KLHL32: variants seen among roughly 807,000 people sequenced by gnomAD.
The protein encoded by KLHL32 is kelch-like protein 32.
A neutral mutation model predicts 64.8 loss-of-function variants in KLHL32; 35 were observed. That is an observed-to-expected ratio of 0.54 (90% confidence interval 0.41 to 0.72). KLHL32 has a LOEUF of 0.72. KLHL32 is among the 30% of genes least tolerant of loss of function. KLHL32 has a pLI of 0.00. For missense variants in KLHL32, 589 were observed against 768.5 expected, an observed-to-expected ratio of 0.77 and a Z score of 2.76; for synonymous variants, 259 against 281.0, an observed-to-expected ratio of 0.92 and a Z score of 0.78.
At chr6:97,040,072 G>A (rs1322118811) in intron 3 of KLHL32, among the ~76,000 whole-genome samples, 1 of 151,440 alleles carries the variant, frequency 6.6e-6, no homozygotes, top group African/African-American at 2.4e-5. Context: ...TTGATACATT[G>A]GCAAAAGTAA....
intron 3 of KLHL32, among the ~76,000 whole-genome samples, chr6:97,014,810 C>T (rs1780917038): frequency 6.6e-6 from 1 of 152,206 alleles, no homozygotes; most frequent in South Asian, 2.1e-4. Context: ...ACCCCATTCT[C>T]ACCTGCCTCC....
chr6:97,075,490 T>A (rs577314947), intron 5 of KLHL32, among the ~76,000 whole-genome samples: 1 of 152,324 alleles, frequency 6.6e-6, no homozygotes, highest in South Asian at 2.1e-4. Flanking sequence ...CTTTATCCTA[T>A]CAACTCTATG....
chr6:97,082,265 T>C (rs1792659685), intron 5 of KLHL32, among the ~76,000 whole-genome samples: 1 of 152,116 alleles, frequency 6.6e-6, no homozygotes, highest in Admixed American at 6.5e-5. Context: ...GGTGTCTAGA[T>C]GTGACTGTTA....
chr6:97,133,170 C>T (rs1799625279), intron 10 of KLHL32, among the ~76,000 whole-genome samples: 1 of 152,174 alleles, frequency 6.6e-6, no homozygotes, highest in South Asian at 2.1e-4. Flanking sequence ...GGGTGTTCTT[C>T]CTTCACGGCA....
At chr6:96,955,907 A>C (rs6910273) in intron 1 of KLHL32, among the ~76,000 whole-genome samples, 33,827 of 152,148 alleles carry the variant, frequency 0.22, 3,956 homozygotes, top group Admixed American at 0.27. Context: ...ACTGCACTCC[A>C]ATCTGAGCAA....
chr6:96,911,951 ATCTCTTCCTG>A, the KLHL32 span, among the ~76,000 whole-genome samples: 1 of 148,930 alleles, frequency 6.7e-6, no homozygotes, highest in African/African-American at 2.5e-5. Context: ...TCTCTGAGTA[ATCTCTTCCTG>A]TTGCTGGCTT....
At position 97,076,994 on chromosome 6, in the gene KLHL32, G is replaced by T. The variant is rs187409495; in HGVS notation, c.412-8132G>T. Reference sequence around the variant, plus strand: ...TGGCATTTTTTCTTGCCTACCCACTGTATATCAATCAAAACTTGCTAGGTA... The same window carrying T: ...TGGCATTTTTTCTTGCCTACCCACTTTATATCAATCAAAACTTGCTAGGTA... On this transcript the variant is annotated intron_variant, in intron 5 of 10. Coordinates refer to ENST00000369261, the MANE Select transcript of KLHL32 (RefSeq NM_052904.4). Among the ~76,000 whole-genome samples the T allele has an allele frequency of 3.1e-4, 47 of 152,174 alleles. 1 individual carries two copies. In the East Asian group the frequency reaches 8.5e-3, roughly 27 times the overall value.
At chr6:96,916,541 T>C in the KLHL32 span, among the ~76,000 whole-genome samples, 1 of 152,234 alleles carries the variant, frequency 6.6e-6, no homozygotes, top group Non-Finnish European at 1.5e-5. Flanking sequence ...GCCTTGTCAC[T>C]TTCCCGTAAT....
At chr6:97,108,589 T>A (rs768471106) in intron 6 of KLHL32, among the ~76,000 whole-genome samples, 48 of 152,266 alleles carry the variant, frequency 3.2e-4, no homozygotes, top group Non-Finnish European at 5.9e-4. Flanking sequence ...TGCCATTTTT[T>A]AATTATTTAT....
chr6:97,106,588 C>CA (rs1210515451), intron 6 of KLHL32, among the ~76,000 whole-genome samples: 1 of 151,854 alleles, frequency 6.6e-6, no homozygotes, highest in Non-Finnish European at 1.5e-5. Context: ...ACTAAAAATA[C>CA]AAAAAATAGC....
At chr6:97,001,630 G>T (rs1340568923) in intron 3 of KLHL32, among the ~76,000 whole-genome samples, 1 of 152,114 alleles carries the variant, frequency 6.6e-6, no homozygotes, top group East Asian at 1.9e-4. Flanking sequence ...ACCACACTTG[G>T]CTAATTTTTC....
intron 1 of KLHL32, among the ~76,000 whole-genome samples, chr6:96,952,091 G>C (rs939363852): frequency 9.2e-5 from 14 of 152,150 alleles, no homozygotes; most frequent in Admixed American, 7.2e-4. Context: ...GTGAGTGAGT[G>C]TGAGTGTGTG....
At chr6:96,957,532 G>C (rs1449340742) in intron 1 of KLHL32, among the ~76,000 whole-genome samples, 1 of 152,032 alleles carries the variant, frequency 6.6e-6, no homozygotes, top group African/African-American at 2.4e-5. Flanking sequence ...ATTTTAACTG[G>C]TGTGAAAGCT....
intron 3 of KLHL32, among the ~76,000 whole-genome samples, chr6:97,012,423 C>T (rs979647417): frequency 6.6e-6 from 1 of 152,184 alleles, no homozygotes; most frequent in Admixed American, 6.5e-5. Flanking sequence ...CTTCTGTAAG[C>T]TGGAAAAGAC....
chr6:97,045,511 A>G (rs1248790208), intron 4 of KLHL32, among the ~76,000 whole-genome samples: 1 of 152,212 alleles, frequency 6.6e-6, no homozygotes, highest in Non-Finnish European at 1.5e-5. Flanking sequence ...ACCCAAGTAA[A>G]TAATATCTGC....
At chr6:97,083,068 A>C (rs752605571) in intron 5 of KLHL32, among the ~76,000 whole-genome samples, 1 of 152,110 alleles carries the variant, frequency 6.6e-6, no homozygotes. Context: ...CTTTATGCCA[A>C]CCCTATGAGC....
chr6:96,950,188 G>A (rs1489321178), intron 1 of KLHL32, among the ~76,000 whole-genome samples: 1 of 151,792 alleles, frequency 6.6e-6, no homozygotes, highest in Non-Finnish European at 1.5e-5. Flanking sequence ...TAATGACAGA[G>A]GCAAGTGTTT....
intron 7 of KLHL32, among the ~76,000 whole-genome samples, chr6:97,118,304 T>C (rs1017705742): frequency 3.9e-5 from 6 of 152,202 alleles, no homozygotes; most frequent in Non-Finnish European, 8.8e-5. Context: ...TTGCAGATAT[T>C]GTTTTACTTA....
intron 6 of KLHL32, among the ~76,000 whole-genome samples, chr6:97,110,366 T>C (rs570339786): frequency 1.3e-5 from 2 of 152,320 alleles, no homozygotes; most frequent in South Asian, 4.1e-4. Context: ...TCTCACTCTG[T>C]CACTCATTAA....
Sources: allele counts gnomAD v4.1 joint callset (sites outside exome capture counted in the v4.1 genomes callset), GRCh38; gene constraint gnomAD v4.1.1; transcripts MANE v1.5; gene names NCBI Gene and HGNC (gene_info 2026-07-23, HGNC 2026-07-21).